The following SNX29 variants were observed in gnomAD, a reference collection of about 807,000 sequenced individuals.
The protein encoded by SNX29 is sorting nexin-29.
SNX29 carries 78 observed loss-of-function variants against 102.1 expected under a neutral mutation model. The ratio of observed to expected loss-of-function variants is 0.76; its 90% CI spans 0.64 to 0.92. The LOEUF (loss-of-function observed/expected upper bound fraction) is 0.92, where lower values mean the gene tolerates loss of function less well. Ranked by LOEUF, SNX29 falls within the 40% of genes least tolerant of loss-of-function variation. SNX29 has a pLI of 0.00. For synonymous variants in SNX29, 580 were observed against 414.5 expected, an observed-to-expected ratio of 1.40 and a Z score of -4.85; for missense variants, 1,280 against 1,061.7, an observed-to-expected ratio of 1.21 and a Z score of -2.86.
chr16:12,262,282 T>C (rs1283099242), intron 14 of SNX29, among the ~76,000 whole-genome samples: 3 of 152,198 alleles, frequency 2.0e-5, no homozygotes, highest in African/African-American at 7.2e-5. Flanking sequence ...GTTTGATAAA[T>C]GAGGAGACCC....
chr16:12,375,686 AAGAG>A (rs1299358279), intron 16 of SNX29: 1 of 152,238 alleles, frequency 6.6e-6, no homozygotes, highest in Non-Finnish European at 1.5e-5. Context: ...AAGAAAGCAA[AAGAG>A]AGAGACCAAC....
At chr16:12,209,177 A>AG (rs1185949316) in intron 14 of SNX29, among the ~76,000 whole-genome samples, 2 of 152,174 alleles carry the variant, frequency 1.3e-5, no homozygotes, top group African/African-American at 4.8e-5. Context: ...CACGGGTTGC[A>AG]GGGGGGTAAA....
intron 18 of SNX29, among the ~76,000 whole-genome samples, chr16:12,475,893 A>G (rs560298241): frequency 6.6e-6 from 1 of 152,246 alleles, no homozygotes; most frequent in Non-Finnish European, 1.5e-5. Context: ...CCCATGGGCC[A>G]TAGTTTGCCC....
At chr16:12,013,500 A>AAAAAAAAAAAAATATATATAT in intron 3 of SNX29, among the ~76,000 whole-genome samples, 1 of 31,632 alleles carries the variant, frequency 3.2e-5, no homozygotes, top group Non-Finnish European at 6.1e-5. Flanking sequence ...AAAAAAAAAA[A>AAAAAAAAAAAAATATATATAT]ATATATATAT....
At chr16:12,533,565 G>A (rs1320771238) in intron 20 of SNX29, among the ~76,000 whole-genome samples, 3 of 152,088 alleles carry the variant, frequency 2.0e-5, no homozygotes, top group Admixed American at 1.3e-4. Context: ...TCTTAGCCTC[G>A]TCATTATCAA....
At chr16:12,477,451 A>G (rs1080196) in intron 18 of SNX29, among the ~76,000 whole-genome samples, 11,243 of 152,282 alleles carry the variant, frequency 0.074, 691 homozygotes, top group East Asian at 0.16. Context: ...TCTGCTATTA[A>G]TTGGGCTGTG....
intron 11 of SNX29, among the ~76,000 whole-genome samples, chr16:12,122,742 C>T (rs1419428538): frequency 6.6e-6 from 1 of 152,046 alleles, no homozygotes; most frequent in Non-Finnish European, 1.5e-5. Flanking sequence ...GAACCCTCGG[C>T]ATAGATATAG....
At chr16:12,077,903 G>T (rs983652881) in intron 10 of SNX29, among the ~76,000 whole-genome samples, 7 of 152,136 alleles carry the variant, frequency 4.6e-5, no homozygotes, top group African/African-American at 1.7e-4. Context: ...TTACAGGCAT[G>T]AGCCACCACA....
At position 12,572,434 on chromosome 16, in the gene SNX29, C is replaced by T. The variant is rs1037522355; in HGVS notation, c.*3805C>T. ...TGTGGCCCAGGCCGGCAGTGGCTGCCTCTCTTGGTTCTGCATGGTACATTT... is the reference window on the plus strand; with the variant it reads ...TGTGGCCCAGGCCGGCAGTGGCTGCTTCTCTTGGTTCTGCATGGTACATTT... On this transcript the variant is annotated 3_prime_UTR_variant, in exon 21 of 21. Coordinates refer to ENST00000566228, the MANE Select transcript of SNX29 (RefSeq NM_032167.5). 2.8e-6 allele frequency: 3 copies of T among 1,063,386 alleles called. No individual in the cohort carries two copies. The highest frequency in any genetic ancestry group is 3.3e-5 in the African/African-American group (2 of 60,966). The allele number at this position is 1,063,386 out of a possible 1,614,324, so 65.9% of individuals were successfully genotyped here. A position where few individuals can be genotyped will look rare whatever the true frequency, so the allele number is the denominator to read the frequency against.
chr16:12,089,532 C>G (rs978752634), intron 11 of SNX29, among the ~76,000 whole-genome samples: 1 of 152,018 alleles, frequency 6.6e-6, no homozygotes, highest in South Asian at 2.1e-4. Flanking sequence ...AAGCCTATGC[C>G]CTGTTTTAAG....
intron 19 of SNX29, among the ~76,000 whole-genome samples, chr16:12,501,548 G>A (rs3925614): frequency 1.3e-5 from 2 of 151,606 alleles, no homozygotes; most frequent in Non-Finnish European, 2.9e-5. Context: ...GTGAGGAAAC[G>A]TCATCTCTAC....
At chr16:12,034,320 C>T (rs2057417144) in intron 4 of SNX29, among the ~76,000 whole-genome samples, 1 of 152,152 alleles carries the variant, frequency 6.6e-6, no homozygotes, top group Non-Finnish European at 1.5e-5. Flanking sequence ...GCTTTCGGTT[C>T]CCTGTTGGTG....
At chr16:12,440,670 T>G (rs988777928) in intron 18 of SNX29, among the ~76,000 whole-genome samples, 2 of 151,552 alleles carry the variant, frequency 1.3e-5, no homozygotes, top group Admixed American at 1.3e-4. Context: ...TAGCTCCCAC[T>G]TCTAAGTGAG....
In SNX29 at chr16:12,390,151, T is replaced by G. The variant is rs111855246; in HGVS notation, c.1900-8295T>G. 5.6e-4 allele frequency among the ~76,000 whole-genome samples: 67 copies of G among 120,568 alleles called. No homozygotes were observed. In the East Asian group the frequency reaches 7.3e-3, roughly 13 times the overall value. 79.1% of individuals were successfully genotyped at this position (120,568 alleles called of 152,430 possible). A position where few individuals can be genotyped will look rare whatever the true frequency, so the allele number is the denominator to read the frequency against. The stretch of plus-strand genomic sequence containing the variant: ...TTACCCCGTGCGTGCAATTGAGGGG[T>G]GTGTGTGTGTGTGTGTGTGTGTGTG... On this transcript the variant is annotated intron_variant, in intron 16 of 20. Coordinates refer to ENST00000566228, the MANE Select transcript of SNX29 (RefSeq NM_032167.5).
At chr16:12,432,808 A>G (rs11649076) in intron 18 of SNX29, among the ~76,000 whole-genome samples, 66,637 of 152,156 alleles carry the variant, frequency 0.44, 14,678 homozygotes, top group Non-Finnish European at 0.46. Context: ...AATGAAGTGT[A>G]GGGGTGAGAG....
chr16:12,360,425 A>T (rs140337434), intron 16 of SNX29, among the ~76,000 whole-genome samples: 2 of 152,248 alleles, frequency 1.3e-5, no homozygotes, highest in Admixed American at 6.5e-5. Context: ...GATGTTTGTC[A>T]TGTTCCTCTG....
At chr16:12,434,467 T>G (rs1337190315) in intron 18 of SNX29, among the ~76,000 whole-genome samples, 1 of 152,106 alleles carries the variant, frequency 6.6e-6, no homozygotes, top group African/African-American at 2.4e-5. Context: ...CCGATGTTCA[T>G]CCATTTTTTG....
chr16:12,305,129 A>C (rs527825877), intron 15 of SNX29, among the ~76,000 whole-genome samples: 18 of 152,310 alleles, frequency 1.2e-4, no homozygotes, highest in African/African-American at 4.3e-4. Context: ...AATGATTTGA[A>C]ATCTGTGGGA....
chr16:11,987,231 ATTT>A (rs962645965), intron 1 of SNX29, among the ~76,000 whole-genome samples: 1 of 147,466 alleles, frequency 6.8e-6, no homozygotes, highest in Non-Finnish European at 1.5e-5. Context: ...TACCTGGCTA[ATTT>A]TTTTTTTTAA....
Sources: allele counts gnomAD v4.1 joint callset (sites outside exome capture counted in the v4.1 genomes callset), GRCh38; gene constraint gnomAD v4.1.1; transcripts MANE v1.5; gene names NCBI Gene and HGNC (gene_info 2026-07-23, HGNC 2026-07-21).